Variants in ADAMTS6 observed in about 807,000 individuals in gnomAD.
The protein encoded by ADAMTS6 is ADAM metallopeptidase with thrombospondin type 1 motif 6.
A neutral mutation model predicts 144.3 loss-of-function variants in ADAMTS6; 23 were observed. The ratio of observed to expected loss-of-function variants is 0.16; its 90% CI spans 0.11 to 0.23. The LOEUF is 0.23. Ranked by LOEUF, ADAMTS6 falls within the 10% of genes least tolerant of loss-of-function variation. ADAMTS6 has a pLI of 1.00. For missense variants in ADAMTS6, 999 were observed against 1,379.6 expected (o/e 0.72, Z 4.37); for synonymous variants, 444 against 457.5 (o/e 0.97, Z 0.38).
At chr5:65,202,020 G>A (rs964193539) in intron 20 of ADAMTS6, among the ~76,000 whole-genome samples, 5 of 152,192 alleles carry the variant, frequency 3.3e-5, no homozygotes, top group South Asian at 2.1e-4. Flanking sequence ...CTGTTGTGCC[G>A]TGTGATTGTT....
intron 7 of ADAMTS6, among the ~76,000 whole-genome samples, chr5:65,339,974 A>G (rs1747666079): frequency 6.6e-6 from 1 of 152,172 alleles, no homozygotes; most frequent in South Asian, 2.1e-4. Flanking sequence ...ACTTCCAAAG[A>G]CTTGGGAAAG....
chr5:65,427,852 TATTTA>T (rs1185320656), intron 7 of ADAMTS6, among the ~76,000 whole-genome samples: 1 of 151,064 alleles, frequency 6.6e-6, no homozygotes, highest in Non-Finnish European at 1.5e-5. Context: ...TGAAAAAAAT[TATTTA>T]ATTTAAAGCC....
rs2150147298 is a variant in ADAMTS6, at chr5:65,390,423, A to T, written c.1074-56338T>A. 1.3e-5 allele frequency among the ~76,000 whole-genome samples: 2 copies of T among 152,338 alleles called. 1 individual carries two copies. Among genetic ancestry groups the T allele is most frequent in the South Asian group, 4.1e-4 (2 of 4,826 alleles). On this transcript the variant is annotated intron_variant, in intron 7 of 24. Coordinates refer to ENST00000381055, the MANE Select transcript of ADAMTS6 (RefSeq NM_197941.4). ...AAAACTAGAGTAGATTAGAGGATTA[A>T]TGAATCTAATTACAAAGCTTCAGGA...
intron 7 of ADAMTS6, among the ~76,000 whole-genome samples, chr5:65,351,679 A>G (rs1748857354): frequency 6.6e-6 from 1 of 152,178 alleles, no homozygotes. Context: ...CAACTCAGGA[A>G]GCTGAGGTGG....
chr5:65,369,722 A>C (rs1750663451), intron 7 of ADAMTS6, among the ~76,000 whole-genome samples: 1 of 152,206 alleles, frequency 6.6e-6, no homozygotes, highest in Non-Finnish European at 1.5e-5. Context: ...TAATAGGGAT[A>C]TTAAGTACTA....
chr5:65,438,379 T>A (rs1757612104), intron 7 of ADAMTS6, among the ~76,000 whole-genome samples: 1 of 151,956 alleles, frequency 6.6e-6, no homozygotes, highest in African/African-American at 2.4e-5. Context: ...ACACAAAAAA[T>A]TAGCCAGCCG....
intron 7 of ADAMTS6, among the ~76,000 whole-genome samples, chr5:65,380,409 T>TAA (rs1036400770): frequency 1.3e-5 from 2 of 150,088 alleles, no homozygotes; most frequent in Non-Finnish European, 3.0e-5. Context: ...CCATCTCTAC[T>TAA]AAAAAAAAAT....
Position 65,447,939 on chromosome 5 carries a change from T to G in ADAMTS6, c.1073+3536A>C, listed in dbSNP as rs79058335. Among the ~76,000 whole-genome samples the G allele has an allele frequency of 7.3e-3, 1,105 of 150,908 alleles. 21 individuals are homozygous for G. The highest frequency in any genetic ancestry group is 0.024 in the African/African-American group (984 of 41,284). ...TGGTATTCAGAGCTAAGATGTCAGA[T>G]AGTTAATACAACATAGAGAGGTAAT... On this transcript the variant is annotated intron_variant, in intron 7 of 24. Coordinates refer to ENST00000381055, the MANE Select transcript of ADAMTS6 (RefSeq NM_197941.4).
intron 18 of ADAMTS6, among the ~76,000 whole-genome samples, 183 bp downstream of exon 18, chr5:65,224,137 A>G (rs1757540825): frequency 6.6e-6 from 1 of 152,136 alleles, no homozygotes; most frequent in Non-Finnish European, 1.5e-5. Context: ...GGTGAAGAGT[A>G]AGCTATAAAC....
intron 14 of ADAMTS6, among the ~76,000 whole-genome samples, chr5:65,248,442 T>A (rs981440395): frequency 6.6e-6 from 1 of 152,164 alleles, no homozygotes; most frequent in African/African-American, 2.4e-5. Flanking sequence ...ATGCCTTAAA[T>A]AGTCTGAATT....
Position 65,214,320 on chromosome 5 carries a change from T to C in ADAMTS6, c.2575+474A>G, listed in dbSNP as rs1333892959. On this transcript the variant is annotated intron_variant, in intron 20 of 24. Transcript: ENST00000381055. The surrounding 1 kb of genome is among the most constrained non-coding windows in gnomAD (Gnocchi z 4.6). ...TTGTAGCATCCCAGTATACAGCCCC[T>C]TAACTTTGATGGCAGGAGAAGGGAG... The C allele has an allele frequency of 1.3e-5, 4 of 313,460 alleles. No homozygotes were observed. Among genetic ancestry groups the C allele is most frequent in the South Asian group, 3.0e-5 (1 of 33,222 alleles). The allele number at this position is 313,460 out of a possible 1,614,324, so 19.4% of individuals were successfully genotyped here. A position where few individuals can be genotyped will look rare whatever the true frequency, so the allele number is the denominator to read the frequency against.
intron 22 of ADAMTS6, 28 bp downstream of exon 22, chr5:65,187,988 A>G (rs371884169): frequency 6.7e-5 from 108 of 1,610,434 alleles, no homozygotes; most frequent in Admixed American, 1.7e-4. Context: ...ATTTCAAAAC[A>G]TATACATATA....
chr5:65,228,834 T>A (rs1397784795), intron 15 of ADAMTS6, among the ~76,000 whole-genome samples: 3 of 152,166 alleles, frequency 2.0e-5, no homozygotes, highest in Non-Finnish European at 4.4e-5. Context: ...AATACTGAGG[T>A]GATCAGCATG....
At chr5:65,474,016 T>G (rs1760663361) in intron 1 of ADAMTS6, 64 bp from the exon 2 acceptor site, 1 of 409,460 alleles carries the variant, frequency 2.4e-6, no homozygotes, top group Non-Finnish European at 4.3e-6. Flanking sequence ...AAGTCCTATA[T>G]AGTACTGAAT....
At position 65,467,097 on chromosome 5, in the gene ADAMTS6, A is replaced by G. The variant is rs531584100; in HGVS notation, c.462+3681T>C. ...CCAAGAAAAAGAGAAAGAACTTTTGAAAATTAGAAATATGACTGCTGTAAT... is the reference window on the plus strand; with the variant it reads ...CCAAGAAAAAGAGAAAGAACTTTTGGAAATTAGAAATATGACTGCTGTAAT... On this transcript the variant is annotated intron_variant, in intron 3 of 24. Transcript: ENST00000381055. Among the ~76,000 whole-genome samples the G allele has an allele frequency of 5.9e-5, 9 of 152,112 alleles. No homozygotes were observed. The South Asian group carries it at 1.9e-3, about 32-fold the overall frequency.
chr5:65,301,996 A>ACATGAGAAT (rs1743430231), intron 9 of ADAMTS6, among the ~76,000 whole-genome samples: 1 of 150,398 alleles, frequency 6.6e-6, no homozygotes, highest in African/African-American at 2.4e-5. Flanking sequence ...GGAGGCTGAG[A>ACATGAGAAT]CATGAGAATC....
chr5:65,190,264 C>G (rs1754927109), intron 21 of ADAMTS6, among the ~76,000 whole-genome samples: 1 of 152,110 alleles, frequency 6.6e-6, no homozygotes, highest in African/African-American at 2.4e-5. Context: ...AAATCTGACA[C>G]AAACATTTTT....
Position 65,361,219 on chromosome 5 carries a change from C to T in ADAMTS6, c.1074-27134G>A, listed in dbSNP as rs555563699. Among the ~76,000 whole-genome samples, 3 of 152,202 alleles carry T rather than the reference C, an allele frequency of 2.0e-5. No individual in the cohort carries two copies. The South Asian group carries it at 6.2e-4, about 32-fold the overall frequency. Reference sequence around the variant, plus strand: ...TCAAAATGGTTTAAAATAGTTTAGACAAACATGAAATGAGTTTTGTTTGGA... The same window carrying T: ...TCAAAATGGTTTAAAATAGTTTAGATAAACATGAAATGAGTTTTGTTTGGA... On this transcript the variant is annotated intron_variant, in intron 7 of 24. Coordinates refer to ENST00000381055, the MANE Select transcript of ADAMTS6 (RefSeq NM_197941.4).
At chr5:65,215,705 A>G (rs1414115754) in intron 18 of ADAMTS6, among the ~76,000 whole-genome samples, 1 of 152,224 alleles carries the variant, frequency 6.6e-6, no homozygotes, top group Non-Finnish European at 1.5e-5. Flanking sequence ...GAAAGCAACG[A>G]AAGGTTAACC....
Sources: gnomAD v4.1 joint callset for allele counts (sites outside exome capture counted in the v4.1 genomes callset) on GRCh38, gnomAD v4.1.1 for gene constraint, Gnocchi (gnomAD v3.1) non-coding constraint, MANE v1.5 for transcripts, NCBI Gene and HGNC (gene_info 2026-07-23, HGNC 2026-07-21) for gene names.